The following PPP1R9A variants were observed in gnomAD, a reference collection of about 807,000 sequenced individuals.
PPP1R9A encodes neurabin-1.
PPP1R9A carries 59 observed loss-of-function variants against 141.9 expected under a neutral mutation model. That is an observed-to-expected ratio of 0.42 (90% CI 0.34 to 0.52). The LOEUF is 0.52. PPP1R9A is among the 20% of genes least tolerant of loss of function. The pLI is 0.10. For missense variants in PPP1R9A, 1,444 were observed against 1,611.9 expected (o/e 0.90, Z 1.78); for synonymous variants, 500 against 569.7 (o/e 0.88, Z 1.74).
chr7:95,081,076 A>G (rs1815750956), intron 2 of PPP1R9A, among the ~76,000 whole-genome samples: 1 of 152,216 alleles, frequency 6.6e-6, no homozygotes, highest in Admixed American at 6.5e-5. Flanking sequence ...AAGGGTATGT[A>G]GCTTCATCTA....
intron 2 of PPP1R9A, among the ~76,000 whole-genome samples, chr7:94,978,041 G>T (rs369557864): frequency 6.6e-6 from 1 of 152,030 alleles, no homozygotes; most frequent in Non-Finnish European, 1.5e-5. Context: ...GATTACAGGC[G>T]TGAGCCACCA....
At chr7:95,082,178 C>T (rs1049288663) in intron 2 of PPP1R9A, among the ~76,000 whole-genome samples, 1 of 152,158 alleles carries the variant, frequency 6.6e-6, no homozygotes, top group African/African-American at 2.4e-5. Context: ...TTTCTGCTGT[C>T]TTACTAGTAG....
intron 2 of PPP1R9A, among the ~76,000 whole-genome samples, chr7:95,012,721 T>A (rs1006639620): frequency 2.0e-5 from 3 of 152,164 alleles, no homozygotes; most frequent in African/African-American, 4.8e-5. Flanking sequence ...TTTCTGACAA[T>A]GAGCATAAAA....
At chr7:94,945,322 G>A (rs1271548003) in intron 2 of PPP1R9A, among the ~76,000 whole-genome samples, 4 of 152,058 alleles carry the variant, frequency 2.6e-5, no homozygotes, top group Non-Finnish European at 5.9e-5. Context: ...CAAAAGACAG[G>A]GATTCTTAAG....
chr7:94,914,727 A>G (rs1361809356), intron 2 of PPP1R9A, among the ~76,000 whole-genome samples: 1 of 152,350 alleles, frequency 6.6e-6, no homozygotes, highest in East Asian at 1.9e-4. Flanking sequence ...AAAACAAGAG[A>G]GGGTGACATG....
At chr7:95,248,548 A>G (rs2153001352) in intron 9 of PPP1R9A, among the ~76,000 whole-genome samples, 1 of 152,312 alleles carries the variant, frequency 6.6e-6, no homozygotes, top group Non-Finnish European at 1.5e-5. Context: ...TAAAAGATGC[A>G]GTAAATAACC....
At chr7:95,037,437 A>G (rs1299419656) in intron 2 of PPP1R9A, among the ~76,000 whole-genome samples, 2 of 152,158 alleles carry the variant, frequency 1.3e-5, no homozygotes, top group Non-Finnish European at 2.9e-5. Flanking sequence ...AGTTATGATA[A>G]TAATTATTAG....
At chr7:95,133,060 A>T (rs1824950600) in intron 4 of PPP1R9A, among the ~76,000 whole-genome samples, 1 of 152,224 alleles carries the variant, frequency 6.6e-6, no homozygotes. Flanking sequence ...AGGGCAGAGA[A>T]GAATTATATT....
At chr7:94,992,580 C>A (rs1801651392) in intron 2 of PPP1R9A, among the ~76,000 whole-genome samples, 1 of 152,104 alleles carries the variant, frequency 6.6e-6, no homozygotes, top group South Asian at 2.1e-4. Flanking sequence ...TTTTTATATT[C>A]CCACTAATAG....
At chr7:95,222,292 G>A (rs2152945089) in intron 7 of PPP1R9A, among the ~76,000 whole-genome samples, 1 of 152,034 alleles carries the variant, frequency 6.6e-6, no homozygotes, top group South Asian at 2.1e-4. Flanking sequence ...TAGACTGGAA[G>A]CATCATAGCA....
At chr7:94,995,052 A>G (rs561386679) in intron 2 of PPP1R9A, among the ~76,000 whole-genome samples, 36 of 152,220 alleles carry the variant, frequency 2.4e-4, no homozygotes, top group Non-Finnish European at 5.0e-4. Context: ...TCCAGCTTTT[A>G]TGTATCTGAA....
chr7:94,982,444 A>G (rs527783890), intron 2 of PPP1R9A, among the ~76,000 whole-genome samples: 2 of 152,246 alleles, frequency 1.3e-5, no homozygotes, highest in Admixed American at 6.5e-5. Flanking sequence ...CCCACCCACA[A>G]TGTAAAAGTG....
intron 2 of PPP1R9A, among the ~76,000 whole-genome samples, chr7:94,933,111 TATC>T (rs1156706897): frequency 6.6e-6 from 1 of 152,086 alleles, no homozygotes. Context: ...TTTAGCGTCC[TATC>T]ATCATGTAGG....
chr7:95,198,412 A>G lies in PPP1R9A; in HGVS notation c.1818A>G (p.Thr606=), dbSNP rs752089401. 1.2e-5 allele frequency: 20 copies of G among 1,613,532 alleles called. No individual in the cohort carries two copies. Among genetic ancestry groups the G allele is most frequent in the South Asian group, 2.2e-5 (2 of 90,986 alleles). ...AGGTTGCCCAGTTGATAAGCCAGAC[A>G]CTGGAACAGGAGAGGCGCCAGAGAG... The part of the protein sequence containing the change: ...VSEVAQLISQ[T]LEQERRQREL... Residue 606 remains threonine (T), a synonymous_variant, in exon 6 of 20, where the codon ACA becomes ACG. Transcript: ENST00000433360.
intron 13 of PPP1R9A, 41 bp from the exon 14 acceptor site, chr7:95,269,166 C>G (rs371173535): frequency 1.4e-6 from 2 of 1,473,216 alleles, no homozygotes; most frequent in Non-Finnish European, 1.8e-6. Flanking sequence ...AGAACTGATA[C>G]TCAGTGGCAT....
At chr7:95,259,418 A>C (rs574317983) in intron 12 of PPP1R9A, among the ~76,000 whole-genome samples, 1 of 152,128 alleles carries the variant, frequency 6.6e-6, no homozygotes, top group African/African-American at 2.4e-5. Context: ...TAAGCTAAAA[A>C]ATATATATTA....
At position 95,097,060 on chromosome 7, in the gene PPP1R9A, CCTGTCACCCAGT is replaced by C. The variant is rs1818135693; in HGVS notation, c.1396-14195_1396-14184del. On this transcript the variant is annotated intron_variant, in intron 2 of 19. Coordinates refer to ENST00000433360, the MANE Select transcript of PPP1R9A (RefSeq NM_001166160.2). Reference sequence around the variant, plus strand: ...AGTTTTTATTTTTTTCCTTTTTTTTCCTGTCACCCAGTCTGGAGTGCAGTGGTGCGATCTTGT... The same window carrying C: ...AGTTTTTATTTTTTTCCTTTTTTTTCCTGGAGTGCAGTGGTGCGATCTTGT... Among the ~76,000 whole-genome samples the C allele has an allele frequency of 2.6e-5, 4 of 151,174 alleles. No homozygotes were observed. In the South Asian group the frequency reaches 8.4e-4, roughly 32 times the overall value.
chr7:95,278,860 G>C (rs1019482482), intron 16 of PPP1R9A, among the ~76,000 whole-genome samples: 2 of 151,976 alleles, frequency 1.3e-5, no homozygotes, highest in Non-Finnish European at 2.9e-5. Context: ...CTTACTTCTT[G>C]GACAGGTTTC....
intron 5 of PPP1R9A, among the ~76,000 whole-genome samples, chr7:95,187,968 T>C (rs1834889227): frequency 6.6e-6 from 1 of 152,130 alleles, no homozygotes; most frequent in African/African-American, 2.4e-5. Flanking sequence ...ATGAAAAAAA[T>C]GTATACTCTG....
Sources: allele counts gnomAD v4.1 joint callset (sites outside exome capture counted in the v4.1 genomes callset), GRCh38; gene constraint gnomAD v4.1.1; transcripts MANE v1.5; gene names NCBI Gene and HGNC (gene_info 2026-07-23, HGNC 2026-07-21).